The following FRMD5 variants were observed in gnomAD, a reference collection of about 807,000 sequenced individuals.
FRMD5 encodes FERM domain-containing protein 5.
A neutral mutation model predicts 69.0 loss-of-function variants in FRMD5; 20 were observed. The observed-to-expected ratio is 0.29, with a 90% CI of 0.20 to 0.42. The LOEUF (loss-of-function observed/expected upper bound fraction) is 0.42. Ranked by LOEUF, FRMD5 falls within the 10% of genes least tolerant of loss-of-function variation. FRMD5 has a pLI of 1.00. For synonymous variants in FRMD5, 271 were observed against 260.1 expected, an observed-to-expected ratio of 1.04 and a Z score of -0.40; for missense variants, 595 against 708.6, an observed-to-expected ratio of 0.84 and a Z score of 1.82.
intron 1 of FRMD5, among the ~76,000 whole-genome samples, chr15:43,940,455 TG>T (rs35153580): frequency 6.6e-6 from 1 of 152,268 alleles, no homozygotes; most frequent in East Asian, 1.9e-4. Context: ...CAAATTACAA[TG>T]GGATGATAGC....
chr15:43,888,093 C>A, intron 10 of FRMD5, 82 bp downstream of exon 10: 1 of 1,091,882 alleles, frequency 9.2e-7, no homozygotes, highest in Non-Finnish European at 1.4e-6. Flanking sequence ...GCCCCAAGTT[C>A]CTGGGCACTT....
rs575126551 is a variant in FRMD5 at position 44,181,822 on chromosome 15, G to C, written c.102+13131C>G. On this transcript the variant is annotated intron_variant, in intron 1 of 13. Transcript: ENST00000417257. ...TGGGGAGGCTGAGACAGGACTGCTT[G>C]AGCCCAGGAGTTCGAGGGTAAAGTG... 3.3e-3 allele frequency among the ~76,000 whole-genome samples: 507 copies of C among 152,212 alleles called. 1 individual carries two copies. Among genetic ancestry groups the C allele is most frequent in the Non-Finnish European group, 3.6e-3 (247 of 68,004 alleles).
At chr15:43,912,166 G>A (rs985171569) in intron 4 of FRMD5, among the ~76,000 whole-genome samples, 5 of 152,136 alleles carry the variant, frequency 3.3e-5, no homozygotes, top group Admixed American at 2.6e-4. Flanking sequence ...AAATTCAAAA[G>A]CCATCTTCTA....
intron 1 of FRMD5, among the ~76,000 whole-genome samples, chr15:44,120,593 G>A (rs1335614600): frequency 1.4e-5 from 2 of 147,762 alleles, no homozygotes; most frequent in East Asian, 2.0e-4. Flanking sequence ...GAGTGCAGGA[G>A]TGCAATCTCG....
At chr15:44,054,551 G>A (rs1282313841) in intron 1 of FRMD5, among the ~76,000 whole-genome samples, 7 of 152,064 alleles carry the variant, frequency 4.6e-5, no homozygotes, top group Non-Finnish European at 8.8e-5. Context: ...TGCTATTTTC[G>A]TAGGGGTTGT....
At chr15:43,979,044 G>C (rs1437361370) in intron 1 of FRMD5, among the ~76,000 whole-genome samples, 1 of 152,032 alleles carries the variant, frequency 6.6e-6, no homozygotes, top group African/African-American at 2.4e-5. Context: ...TTATAGAAAG[G>C]GTTCAATTTG....
intron 1 of FRMD5, among the ~76,000 whole-genome samples, chr15:44,161,224 C>T (rs1308419459): frequency 1.3e-5 from 2 of 152,184 alleles, no homozygotes; most frequent in South Asian, 2.1e-4. Flanking sequence ...CTATTCCCAA[C>T]CAACTCCTAC....
intron 1 of FRMD5, among the ~76,000 whole-genome samples, chr15:44,180,415 G>C (rs1160668824): frequency 6.6e-6 from 1 of 152,040 alleles, no homozygotes; most frequent in Admixed American, 6.6e-5. Flanking sequence ...TAACTTATCA[G>C]TACCTTCATT....
chr15:43,874,757 G>A (rs941821235), intron 13 of FRMD5, among the ~76,000 whole-genome samples: 28 of 148,944 alleles, frequency 1.9e-4, no homozygotes, highest in African/African-American at 1.5e-4. Context: ...AAAATCAGCC[G>A]GGCCTGGTGG....
intron 1 of FRMD5, among the ~76,000 whole-genome samples, chr15:44,039,337 C>T (rs1257010996): frequency 1.3e-5 from 2 of 152,210 alleles, no homozygotes; most frequent in African/African-American, 4.8e-5. Context: ...GGACAGGCTG[C>T]CTCCTCAAGT....
At chr15:44,128,887 C>G (rs1223553587) in intron 1 of FRMD5, among the ~76,000 whole-genome samples, 1 of 152,024 alleles carries the variant, frequency 6.6e-6, no homozygotes, top group African/African-American at 2.4e-5. Context: ...TACGAAGTCC[C>G]TAAGCATGAG....
At position 43,874,377 on chromosome 15, in the gene FRMD5, G is replaced by A; in HGVS notation, c.1221C>T (p.Ser407=). 1.9e-6 allele frequency: 3 copies of A among 1,614,210 alleles called. No homozygotes were observed. The highest frequency in any genetic ancestry group is 2.5e-6 in the Non-Finnish European group (3 of 1,180,046). The change falls in exon 14 of 14, where the codon AGC becomes AGT. Residue 407 remains serine, a synonymous_variant. Transcript: ENST00000417257. ...CTCGCTCATTGCTATCTGTCCGGCT[G>A]CTTCTCACGTGAGGCAGGAAGGTGT... ...HGDTFLPHVR[S]SRTDSNERVA...
Position 43,913,355 on chromosome 15 carries a change from C to A in FRMD5, c.330-3376G>T, listed in dbSNP as rs191478772. Among the ~76,000 whole-genome samples the A allele has an allele frequency of 3.3e-3, 510 of 152,280 alleles. 2 individuals are homozygous for A. The highest frequency in any genetic ancestry group is 0.011 in the South Asian group (55 of 4,824). On this transcript the variant is annotated intron_variant, in intron 4 of 13. Transcript: ENST00000417257. ...ACACCAGTATCCTAAAGAAACAAAC[C>A]ATAGTTGAGGGCAAGAGGAGATGAG... is the stretch of plus-strand genomic sequence containing the variant.
chr15:44,111,890 G>A (rs1039346767), intron 1 of FRMD5, among the ~76,000 whole-genome samples: 51 of 148,384 alleles, frequency 3.4e-4, no homozygotes, highest in Non-Finnish European at 8.9e-5. Flanking sequence ...TCGTGCTGTC[G>A]CCCAGGCTGG....
intron 1 of FRMD5, among the ~76,000 whole-genome samples, chr15:44,088,196 A>G (rs1180985002): frequency 1.3e-5 from 2 of 152,142 alleles, no homozygotes; most frequent in Non-Finnish European, 2.9e-5. Flanking sequence ...ATAAAATTCA[A>G]TGGTTTTTAG....
intron 6 of FRMD5, among the ~76,000 whole-genome samples, chr15:43,905,014 G>C (rs1376449990): frequency 6.6e-6 from 1 of 151,982 alleles, no homozygotes; most frequent in African/African-American, 2.4e-5. Flanking sequence ...TGCTCCCAAG[G>C]CACCCTCAGC....
chr15:44,172,268 TTTTC>T (rs1301064979), intron 1 of FRMD5, among the ~76,000 whole-genome samples: 10 of 149,840 alleles, frequency 6.7e-5, no homozygotes, highest in South Asian at 2.1e-4. Context: ...CTTTTTCTCT[TTTTC>T]TTTTTTTTTT....
chr15:44,003,556 A>G (rs1315368853), intron 1 of FRMD5, among the ~76,000 whole-genome samples: 3 of 152,138 alleles, frequency 2.0e-5, no homozygotes, highest in Non-Finnish European at 4.4e-5. Flanking sequence ...TTTACTCCAA[A>G]CACAATAGCC....
chr15:43,939,199 T>C (rs947819893), intron 1 of FRMD5, among the ~76,000 whole-genome samples: 10 of 152,056 alleles, frequency 6.6e-5, no homozygotes, highest in African/African-American at 2.2e-4. Flanking sequence ...GATCAGAACA[T>C]TTCTGAATTT....
Sources: gnomAD v4.1 joint callset for allele counts (sites outside exome capture counted in the v4.1 genomes callset) on GRCh38, gnomAD v4.1.1 for gene constraint, MANE v1.5 for transcripts, NCBI Gene and HGNC (gene_info 2026-07-23, HGNC 2026-07-21) for gene names.